Variants in VPS13D observed in about 807,000 individuals in gnomAD.
VPS13D encodes the protein intermembrane lipid transfer protein VPS13D.
In VPS13D, 187 loss-of-function variants were observed where a neutral mutation model predicts 461.9. The observed-to-expected ratio is 0.40, with a 90% confidence interval of 0.36 to 0.46. The LOEUF is 0.46. Among genes scored for constraint, VPS13D ranks in the 20% least tolerant of loss-of-function variants. The pLI is 0.60. For synonymous variants in VPS13D, 1,951 were observed against 1,986.3 expected, an observed-to-expected ratio of 0.98 and a Z score of 0.47; for missense variants, 4,711 against 5,364.9, an observed-to-expected ratio of 0.88 and a Z score of 3.81.
chr1:12,498,339 C>T (rs1645988086), intron 68 of VPS13D, among the ~76,000 whole-genome samples: 2 of 151,862 alleles, frequency 1.3e-5, no homozygotes, highest in Admixed American at 6.6e-5. Flanking sequence ...GTAAAGCGAG[C>T]GTGGGGGATT....
Position 12,249,249 on chromosome 1 carries a change from C to T in VPS13D, c.474C>T (p.Arg158=). The change falls in exon 6 of 70, where the codon CGC becomes CGT. Residue 158 remains arginine, a synonymous_variant. Transcript: ENST00000620676. The stretch of plus-strand genomic sequence containing the variant: ...TAAAAATTCAAGATGTCCATTTACG[C>T]TTTGAAGATGGTGTCACCAATCCCT... ...IELKIQDVHL[R]FEDGVTNPSH... 2 of 1,613,536 alleles carry T rather than the reference C, an allele frequency of 1.2e-6. No homozygotes were observed. The highest frequency in any genetic ancestry group is 1.7e-6 in the Non-Finnish European group (2 of 1,179,832).
chr1:12,301,368 G>C (rs767957222), intron 25 of VPS13D, among the ~76,000 whole-genome samples: 8 of 152,190 alleles, frequency 5.3e-5, no homozygotes, highest in Admixed American at 1.3e-4. Context: ...TAAGCTTGGG[G>C]TTCCCACAAT....
intron 25 of VPS13D, among the ~76,000 whole-genome samples, chr1:12,303,315 T>C (rs1642475526): frequency 6.6e-6 from 1 of 152,228 alleles, no homozygotes; most frequent in African/African-American, 2.4e-5. Flanking sequence ...TTATTTCACT[T>C]TTCTCAACCA....
chr1:12,245,774 C>T (rs184295903), intron 5 of VPS13D, among the ~76,000 whole-genome samples: 2 of 152,298 alleles, frequency 1.3e-5, no homozygotes, highest in East Asian at 1.9e-4. Context: ...TTGCCAATTC[C>T]CCTCTGCCTT....
rs760705209 is a variant in VPS13D at position 12,318,042 on chromosome 1, T to C, written c.7149-30T>C. ...TGAAATAACCATGTTTCTTTTTTCC[T>C]ATTTATTTTCTCCTGTCTTCTTTTT... On this transcript the variant is annotated intron_variant, in intron 30 of 69. Transcript: ENST00000620676. 1.6e-5 allele frequency: 26 copies of C among 1,577,410 alleles called. No individual in the cohort carries two copies. In the Middle Eastern group the frequency reaches 8.5e-4, roughly 51 times the overall value.
rs758395041 is a variant in VPS13D at position 12,363,214 on chromosome 1, TCAA to T, written c.10419_10421del (p.Asn3473del). ...TGTATTTGGTCTGGAGGCTTTGAAG[TCAA>T]CAAGAATAATTCCTTCCATATCAAC... On this transcript the variant is annotated inframe_deletion, in exon 52 of 70. Coordinates refer to ENST00000620676, the MANE Select transcript of VPS13D (RefSeq NM_015378.4). 6.2e-7 allele frequency: 1 copy of T among 1,614,044 alleles called. No homozygotes were observed. Among genetic ancestry groups the T allele is most frequent in the Non-Finnish European group, 8.5e-7 (1 of 1,180,038 alleles).
chr1:12,474,643 T>C (rs1645606621), intron 67 of VPS13D, among the ~76,000 whole-genome samples: 1 of 152,178 alleles, frequency 6.6e-6, no homozygotes, highest in African/African-American at 2.4e-5. Flanking sequence ...TCGATAACTG[T>C]GGATTATCGT....
rs1440286051 is a variant in VPS13D, at chr1:12,507,472, T to A, written c.13035+379T>A. On this transcript the variant is annotated intron_variant, in intron 69 of 69. Coordinates refer to ENST00000620676, the MANE Select transcript of VPS13D (RefSeq NM_015378.4). This position sits in a 1 kb window ranked among gnomAD's most constrained non-coding sequence, Gnocchi z 5.3. ...ACCAAATCGAAGAAAGCACTGGAGC[T>A]CACGCTGGTTTCTCCATTGTTTCTC... 4.2e-6 allele frequency: 2 copies of A among 476,102 alleles called. No individual in the cohort carries two copies. The highest frequency in any genetic ancestry group is 8.3e-6 in the Non-Finnish European group (2 of 240,542). The allele number at this position is 476,102 out of a possible 1,614,324, so 29.5% of individuals were successfully genotyped here. A position where few individuals can be genotyped will look rare whatever the true frequency, so the allele number is the denominator to read the frequency against.
intron 66 of VPS13D, 23 bp downstream of exon 66, chr1:12,456,153 C>T: frequency 6.3e-7 from 1 of 1,590,788 alleles, no homozygotes. Context: ...TGACATCAGG[C>T]TCTGCTGCTG....
At chr1:12,455,916 T>C in intron 65 of VPS13D, 82 bp from the exon 66 acceptor site, 1 of 1,469,282 alleles carries the variant, frequency 6.8e-7, no homozygotes, top group Non-Finnish European at 9.0e-7. Flanking sequence ...TTGTATTTAA[T>C]TTAAATTTAT....
chr1:12,236,918 G>T (rs918317355), intron 2 of VPS13D, among the ~76,000 whole-genome samples: 13 of 152,098 alleles, frequency 8.5e-5, no homozygotes, highest in Admixed American at 4.6e-4. Context: ...TGAGGACTAA[G>T]AAATTAATGT....
chr1:12,286,947 A>G (rs1023137887), intron 21 of VPS13D, among the ~76,000 whole-genome samples: 8 of 151,922 alleles, frequency 5.3e-5, no homozygotes, highest in South Asian at 2.1e-4. Context: ...TGCAACCTCT[A>G]CCTCCTGGGT....
rs566141745 is a variant in VPS13D at position 12,370,120 on chromosome 1, C to T, written c.10808+418C>T. Among the ~76,000 whole-genome samples, 717 of 152,272 alleles carry T rather than the reference C, an allele frequency of 4.7e-3. 6 individuals carry two copies. Among genetic ancestry groups the T allele is most frequent in the African/African-American group, 0.016 (673 of 41,538 alleles). On this transcript the variant is annotated intron_variant, in intron 54 of 69. Transcript: ENST00000620676. ...ACCTAAGGGTCTGTCTTAATATTCA[C>T]CTAAAGCCAAATATAGTAGCTTAAT...
chr1:12,381,916 C>CT, intron 57 of VPS13D, among the ~76,000 whole-genome samples: 2 of 93,030 alleles, frequency 2.1e-5, no homozygotes, highest in Non-Finnish European at 5.3e-5. Context: ...CTTTTTCTTT[C>CT]TTTTCTTTTC....
Position 12,502,254 on chromosome 1 carries a change from C to CCG in VPS13D, c.12795-4598_12795-4597dup, listed in dbSNP as rs1166638075. ...AGGTGGAGAGGCCTGAACACAGTGG[C>CCG]CGTAACGATGACTAGAAGAGGACAG... On this transcript the variant is annotated intron_variant, in intron 68 of 69. Coordinates refer to ENST00000620676, the MANE Select transcript of VPS13D (RefSeq NM_015378.4). This position sits in a 1 kb window ranked among gnomAD's most constrained non-coding sequence, Gnocchi z 4.3. Among the ~76,000 whole-genome samples the CCG allele has an allele frequency of 1.3e-5, 2 of 152,124 alleles. No individual in the cohort carries two copies. The highest frequency in any genetic ancestry group is 2.9e-5 in the Non-Finnish European group (2 of 68,028).
In VPS13D at chr1:12,234,291, G is replaced by T. The variant is rs1188967781; in HGVS notation, c.25G>T (p.Val9Phe). Residue 9 changes from valine to phenylalanine, a missense_variant, in exon 2 of 70, where the codon GTT (valine) becomes TTT (phenylalanine). Physicochemically the swap from Val to Phe is conservative, Grantham distance 50. Coordinates refer to ENST00000620676, the MANE Select transcript of VPS13D (RefSeq NM_015378.4). MLEGLVAWVLNTYLGKYVN... is the reference protein window; with the variant it reads MLEGLVAWFLNTYLGKYVN... ...CATGTTGGAAGGCCTTGTAGCCTGG[G>T]TTCTCAATACCTATTTGGGAAAATA... The T allele has an allele frequency of 6.2e-7, 1 of 1,614,018 alleles. No homozygotes were observed. Among genetic ancestry groups the T allele is most frequent in the Non-Finnish European group, 8.5e-7 (1 of 1,179,952 alleles).
Position 12,276,355 on chromosome 1 carries a change from C to T in VPS13D, c.2767C>T (p.Gln923Ter), listed in dbSNP as rs1482692466. 1 of 1,614,180 alleles carries T rather than the reference C, an allele frequency of 6.2e-7. No individual in the cohort carries two copies. The highest frequency in any genetic ancestry group is 8.5e-7 in the Non-Finnish European group (1 of 1,180,044). The change falls in exon 19 of 70, where the codon CAG becomes TAG. Residue 923 changes from glutamine to a stop codon, truncating the protein, a stop_gained. Transcript: ENST00000620676. LOFTEE classifies it high-confidence loss of function. The surrounding 1 kb of genome is among the most constrained non-coding windows in gnomAD (Gnocchi z 4.5). ...AGAAAAGATTTTTCCCCAGGAGGAG[C>T]AGCGGGGAAGTTTGCAAGACTCCGT... ...IKEKIFPQEE[Q>*]RGSLQDSVMN...
chr1:12,413,617 G>A (rs545622450), intron 63 of VPS13D, among the ~76,000 whole-genome samples: 27 of 152,190 alleles, frequency 1.8e-4, no homozygotes, highest in South Asian at 4.1e-4. Flanking sequence ...GACTACAGGC[G>A]CACGCCACCA....
chr1:12,264,195 T>A (rs1284107502), intron 13 of VPS13D, among the ~76,000 whole-genome samples: 1 of 152,240 alleles, frequency 6.6e-6, no homozygotes, highest in Non-Finnish European at 1.5e-5. Flanking sequence ...ACTGGCCATT[T>A]CCTTGTCTCT....
Sources: gnomAD v4.1 joint callset for allele counts (sites outside exome capture counted in the v4.1 genomes callset) on GRCh38, gnomAD v4.1.1 for gene constraint, Gnocchi (gnomAD v3.1) non-coding constraint, MANE v1.5 for transcripts, NCBI Gene and HGNC (gene_info 2026-07-23, HGNC 2026-07-21) for gene names.